The following PTPRD variants were observed in gnomAD, a reference collection of about 807,000 sequenced individuals.
PTPRD encodes protein tyrosine phosphatase receptor type D, also known as receptor-type tyrosine-protein phosphatase delta.
In PTPRD, 34 loss-of-function variants were observed where a neutral mutation model predicts 214.5. The ratio of observed to expected loss-of-function variants is 0.16; its 90% confidence interval spans 0.12 to 0.21. The LOEUF (loss-of-function observed/expected upper bound fraction) is 0.21. Among genes scored for constraint, PTPRD ranks in the 10% least tolerant of loss-of-function variants. The pLI is 1.00. For synonymous variants in PTPRD, 1,128 were observed against 845.7 expected (o/e 1.33, Z -5.79); for missense variants, 2,545 against 2,398.7 (o/e 1.06, Z -1.27).
chr9:9,248,018 T>A (rs891882237), intron 9 of PTPRD, among the ~76,000 whole-genome samples: 1 of 152,086 alleles, frequency 6.6e-6, no homozygotes, highest in African/African-American at 2.4e-5. Context: ...TCTCTTGCAG[T>A]ACACTGTAGG....
intron 14 of PTPRD, among the ~76,000 whole-genome samples, chr9:8,587,839 A>G (rs990506784): frequency 6.6e-6 from 1 of 152,214 alleles, no homozygotes; most frequent in Admixed American, 6.5e-5. Flanking sequence ...ACTGTGGCAA[A>G]TAATTTTCTG....
At chr9:8,491,714 C>T (rs1434330628) in intron 27 of PTPRD, among the ~76,000 whole-genome samples, 1 of 149,864 alleles carries the variant, frequency 6.7e-6, no homozygotes, top group African/African-American at 2.5e-5. Context: ...GTTTTGCCAT[C>T]TGTAATCCTG....
intron 39 of PTPRD, among the ~76,000 whole-genome samples, chr9:8,353,435 TGAA>T (rs1564195863): frequency 6.6e-6 from 1 of 152,078 alleles, no homozygotes; most frequent in African/African-American, 2.4e-5. Context: ...TATGAATGAA[TGAA>T]TGAATGAATG....
At chr9:10,456,347 C>G (rs941770787) in intron 2 of PTPRD, among the ~76,000 whole-genome samples, 1 of 151,848 alleles carries the variant, frequency 6.6e-6, no homozygotes, top group Non-Finnish European at 1.5e-5. Context: ...CTCTGCATAA[C>G]GTGTATTGCA....
intron 10 of PTPRD, among the ~76,000 whole-genome samples, chr9:9,076,749 A>G (rs757240642): frequency 1.3e-5 from 2 of 151,924 alleles, no homozygotes; most frequent in Non-Finnish European, 2.9e-5. Flanking sequence ...ATAGTGTTGC[A>G]ATAAACATGG....
intron 14 of PTPRD, among the ~76,000 whole-genome samples, chr9:8,549,159 GAATTAT>G (rs2081245222): frequency 6.6e-6 from 1 of 152,112 alleles, no homozygotes; most frequent in African/African-American, 2.4e-5. Context: ...ATATAACATA[GAATTAT>G]AATTATGATC....
At chr9:10,505,335 G>A (rs1475898900) in intron 2 of PTPRD, among the ~76,000 whole-genome samples, 1 of 152,126 alleles carries the variant, frequency 6.6e-6, no homozygotes, top group African/African-American at 2.4e-5. Flanking sequence ...GATATTTTCA[G>A]CTGGTACACA....
chr9:9,543,965 G>A (rs992849910), intron 8 of PTPRD, among the ~76,000 whole-genome samples: 2 of 151,574 alleles, frequency 1.3e-5, no homozygotes, highest in African/African-American at 2.4e-5. Flanking sequence ...TCAGGTAACT[G>A]TCAGATTAGA....
chr9:8,934,614 T>C (rs1467497936), intron 11 of PTPRD, among the ~76,000 whole-genome samples: 3 of 144,646 alleles, frequency 2.1e-5, no homozygotes, highest in Non-Finnish European at 3.0e-5. Context: ...TTACCTCACA[T>C]AGTTTGTGGT....
chr9:8,459,822 C>T (rs980088535), intron 33 of PTPRD, among the ~76,000 whole-genome samples: 2 of 152,058 alleles, frequency 1.3e-5, no homozygotes, highest in South Asian at 2.1e-4. Flanking sequence ...GACACATACA[C>T]GAATTCACCA....
intron 3 of PTPRD, among the ~76,000 whole-genome samples, chr9:10,324,695 G>A (rs2096612706): frequency 6.6e-6 from 1 of 151,838 alleles, no homozygotes; most frequent in Non-Finnish European, 1.5e-5. Flanking sequence ...TATTCCTATT[G>A]ATCACCCCGC....
At chr9:10,504,638 C>T (rs558373549) in intron 2 of PTPRD, among the ~76,000 whole-genome samples, 1 of 152,092 alleles carries the variant, frequency 6.6e-6, no homozygotes, top group Non-Finnish European at 1.5e-5. Flanking sequence ...TTGCACAACC[C>T]TATGAGGTAA....
At chr9:10,344,389 T>C (rs2097021933) in intron 2 of PTPRD, among the ~76,000 whole-genome samples, 3 of 152,146 alleles carry the variant, frequency 2.0e-5, no homozygotes. Context: ...TTGGTCTATA[T>C]GTCTGTTTTG....
intron 2 of PTPRD, among the ~76,000 whole-genome samples, chr9:10,421,736 G>C (rs764480675): frequency 2.6e-5 from 4 of 151,738 alleles, no homozygotes; most frequent in Non-Finnish European, 5.9e-5. Flanking sequence ...ATAGAAACTT[G>C]CTTGTTATTT....
At position 9,856,234 on chromosome 9, in the gene PTPRD, C is replaced by G. The variant is rs376169352; in HGVS notation, c.-368+82273G>C. Among the ~76,000 whole-genome samples, 32 of 152,264 alleles carry G rather than the reference C, an allele frequency of 2.1e-4. 1 individual carries two copies. Among genetic ancestry groups the G allele is most frequent in the African/African-American group, 7.5e-4 (31 of 41,570 alleles). On this transcript the variant is annotated intron_variant, in intron 5 of 45. Transcript: ENST00000381196. ...TAGTCCCTGACATCCAGCCACTCTT[C>G]CTCTCTGCCAGATGAGCTTAGGGTC...
chr9:10,546,273 T>C (rs2060151635), intron 2 of PTPRD, among the ~76,000 whole-genome samples: 1 of 152,088 alleles, frequency 6.6e-6, no homozygotes, highest in South Asian at 2.1e-4. Flanking sequence ...GGCTCATGTG[T>C]ATATTAAAGC....
chr9:9,045,478 G>A (rs1405350672), intron 10 of PTPRD, among the ~76,000 whole-genome samples: 1 of 152,102 alleles, frequency 6.6e-6, no homozygotes, highest in African/African-American at 2.4e-5. Flanking sequence ...CTATTGAAGA[G>A]TAAGACCTCA....
At chr9:9,939,492 A>G (rs183506104) in intron 4 of PTPRD, among the ~76,000 whole-genome samples, 1 of 151,924 alleles carries the variant, frequency 6.6e-6, no homozygotes, top group African/African-American at 2.4e-5. Context: ...CAATTTGGTG[A>G]CCTCCTTTTT....
intron 9 of PTPRD, among the ~76,000 whole-genome samples, chr9:9,240,539 C>G (rs1375508754): frequency 6.6e-6 from 1 of 152,096 alleles, no homozygotes; most frequent in Non-Finnish European, 1.5e-5. Flanking sequence ...GGCATGGTGG[C>G]ACGTGCCTGT....
Sources: gnomAD v4.1 joint callset for allele counts (sites outside exome capture counted in the v4.1 genomes callset) on GRCh38, gnomAD v4.1.1 for gene constraint, MANE v1.5 for transcripts, NCBI Gene and HGNC (gene_info 2026-07-23, HGNC 2026-07-21) for gene names.